PHACTR2: variants seen among roughly 807,000 people sequenced by gnomAD.
The protein encoded by PHACTR2 is chromosome 6 open reading frame 56.
PHACTR2 carries 30 observed loss-of-function variants against 76.0 expected under a neutral mutation model. The observed-to-expected ratio is 0.39, with a 90% CI of 0.30 to 0.54. PHACTR2 has a LOEUF of 0.54. Among genes scored for constraint, PHACTR2 ranks in the 20% least tolerant of loss-of-function variants. The pLI is 0.61. For synonymous variants in PHACTR2, 292 were observed against 292.5 expected (o/e 1.00, Z 0.02); for missense variants, 696 against 781.1 (o/e 0.89, Z 1.30).
At position 143,617,240 on chromosome 6, in the gene PHACTR2, C is replaced by T. The variant is rs1170340125; in HGVS notation, c.13+8918C>T. Among the ~76,000 whole-genome samples the T allele has an allele frequency of 2.6e-5, 4 of 152,160 alleles. No homozygotes were observed. On this transcript the variant is annotated intron_variant, in intron 1 of 11. Transcript: ENST00000305766. This position sits in a 1 kb window ranked among gnomAD's most constrained non-coding sequence, Gnocchi z 4.8. ...AACGTCTTCCCAACTGGTCTCCAAG[C>T]CCTGAATTTTCTCATGACGCTGATG...
chr6:143,667,781 A>G (rs1469524845), intron 1 of PHACTR2, among the ~76,000 whole-genome samples: 2 of 152,218 alleles, frequency 1.3e-5, no homozygotes, highest in African/African-American at 2.4e-5. Flanking sequence ...TTGGGCTGAG[A>G]CGATGGAGTT....
chr6:143,656,154 G>A lies in PHACTR2; in HGVS notation c.13+47832G>A, dbSNP rs1002450815. Among the ~76,000 whole-genome samples the A allele has an allele frequency of 2.6e-5, 4 of 152,210 alleles. No homozygotes were observed. The highest frequency in any genetic ancestry group is 5.9e-5 in the Non-Finnish European group (4 of 68,042). On this transcript the variant is annotated intron_variant, in intron 1 of 11. Coordinates refer to the PHACTR2 transcript ENST00000305766. This position sits in a 1 kb window ranked among gnomAD's most constrained non-coding sequence, Gnocchi z 5.3. ...AACTGCAGAGGAAATAACAGGCGCA[G>A]AGACTTCTAGCAGGGTTGTCTGGTG...
At position 143,772,195 on chromosome 6, in the gene PHACTR2, G is replaced by C. The variant is rs1775167437; in HGVS notation, c.1233-63G>C. On this transcript the variant is annotated intron_variant, in intron 6 of 12. Coordinates refer to ENST00000440869, the MANE Select transcript of PHACTR2 (RefSeq NM_001100164.2). The surrounding 1 kb of genome is among the most constrained non-coding windows in gnomAD (Gnocchi z 5.4). ...TGAAACTAGAGCTCTTTTTCTTAGT[G>C]TCAGTGCCGCCAAGGGTTGCTCTGA... The C allele has an allele frequency of 6.8e-6, 8 of 1,170,934 alleles. No individual in the cohort carries two copies. In the South Asian group the frequency reaches 7.4e-5, roughly 11 times the overall value. The allele number at this position is 1,170,934 out of a possible 1,614,324, so 72.5% of individuals were successfully genotyped here. A position where few individuals can be genotyped will look rare whatever the true frequency, so the allele number is the denominator to read the frequency against.
At chr6:143,582,979 T>G (rs1775592235) in intron 1 of PHACTR2, among the ~76,000 whole-genome samples, 1 of 152,224 alleles carries the variant, frequency 6.6e-6, no homozygotes, top group South Asian at 2.1e-4. Flanking sequence ...AGAATTTAAT[T>G]TCAAACTCTG....
chr6:143,712,367 A>G (rs2128461085), intron 2 of PHACTR2, 184 bp downstream of exon 2: 1 of 336,012 alleles, frequency 3.0e-6, no homozygotes, highest in Non-Finnish European at 5.3e-6. Flanking sequence ...CCTTCTTTCT[A>G]TACTGACCTT....
rs1289601926 is a variant in PHACTR2 at position 143,753,617 on chromosome 6, C to T, written c.296-137C>T. ...TTCTAGCTCTTTTGTTTTGAATAAA[C>T]CGGTGAAACAGTGCAGGGTGTATTT... On this transcript the variant is annotated intron_variant, in intron 3 of 12. Transcript: ENST00000440869. This position sits in a 1 kb window ranked among gnomAD's most constrained non-coding sequence, Gnocchi z 4.6. 3 of 572,208 alleles carry T rather than the reference C, an allele frequency of 5.2e-6. No homozygotes were observed. Among genetic ancestry groups the T allele is most frequent in the African/African-American group, 3.8e-5 (2 of 52,276 alleles). The allele number at this position is 572,208 out of a possible 1,614,324, so 35.4% of individuals were successfully genotyped here.
At chr6:143,606,095 A>G (rs1476656697), upstream of PHACTR2, among the ~76,000 whole-genome samples, 2 of 152,206 alleles carry the variant, frequency 1.3e-5, no homozygotes, top group Admixed American at 6.5e-5. Context: ...GCTACTTATT[A>G]TGAATCACTC....
intron 9 of PHACTR2, among the ~76,000 whole-genome samples, chr6:143,781,064 A>T (rs79925271): frequency 0.013 from 2,004 of 152,328 alleles, 44 homozygotes; most frequent in African/African-American, 0.044. Context: ...GGATCACTTG[A>T]GTCCTGGAGA....
chr6:143,555,999 A>T (rs1173988948), intron 1 of PHACTR2, among the ~76,000 whole-genome samples: 4 of 151,868 alleles, frequency 2.6e-5, no homozygotes, highest in African/African-American at 7.3e-5. Flanking sequence ...TAATTTTTTT[A>T]AAAAGAAACA....
rs1779521505 is a variant in PHACTR2 at position 143,764,932 on chromosome 6, A to G, written c.695-329A>G. 6.6e-6 allele frequency among the ~76,000 whole-genome samples: 1 copy of G among 152,102 alleles called. No individual in the cohort carries two copies. Among genetic ancestry groups the G allele is most frequent in the Admixed American group, 6.5e-5 (1 of 15,278 alleles). ...ACGCACCATAACATTCCTTCTTGAG[A>G]GCATACCGGGCTTTTTTCAAGTGAA... On this transcript the variant is annotated intron_variant, in intron 5 of 12. Coordinates refer to ENST00000440869, the MANE Select transcript of PHACTR2 (RefSeq NM_001100164.2). This position sits in a 1 kb window ranked among gnomAD's most constrained non-coding sequence, Gnocchi z 4.7.
rs1225396044 is a variant in PHACTR2 at position 143,618,281 on chromosome 6, A to ACG, written c.13+9960_13+9961insGC. Among the ~76,000 whole-genome samples, 3 of 146,822 alleles carry ACG rather than the reference A, an allele frequency of 2.0e-5. No homozygotes were observed. Among genetic ancestry groups the ACG allele is most frequent in the Non-Finnish European group, 4.6e-5 (3 of 65,362 alleles). ...AACACACACACACACACACACACAC[A>ACG]CACACGCACACTCCAGAATGAGTTT... On this transcript the variant is annotated intron_variant, in intron 1 of 11. Transcript: ENST00000305766. This position sits in a 1 kb window ranked among gnomAD's most constrained non-coding sequence, Gnocchi z 5.2.
chr6:143,774,204 C>G lies in PHACTR2; in HGVS notation c.1578C>G (p.Thr526=), dbSNP rs1344305591. ...AGGAAATCCGACAACAAATTGGAACCAAGTTAGTCAGGTAATTGCTAACAT... is the reference window on the plus strand; with the variant it reads ...AGGAAATCCGACAACAAATTGGAACGAAGTTAGTCAGGTAATTGCTAACAT... ...ERQEIRQQIG[T]KLVRRLSQRP... is the part of the protein sequence containing the mutation. The change falls in exon 8 of 13, where the codon ACC becomes ACG. Residue 526 remains threonine, a synonymous_variant. Coordinates refer to ENST00000440869, the MANE Select transcript of PHACTR2 (RefSeq NM_001100164.2). The surrounding 1 kb of genome is among the most constrained non-coding windows in gnomAD (Gnocchi z 5.4). 1.9e-6 allele frequency: 3 copies of G among 1,613,702 alleles called. No individual in the cohort carries two copies. Among genetic ancestry groups the G allele is most frequent in the African/African-American group, 1.3e-5 (1 of 75,020 alleles).
At chr6:143,759,879 G>A (rs1779395047) in intron 4 of PHACTR2, among the ~76,000 whole-genome samples, 1 of 152,146 alleles carries the variant, frequency 6.6e-6, no homozygotes, top group African/African-American at 2.4e-5. Context: ...TTTGATCACA[G>A]CGAGGCTGAA....
At chr6:143,808,758 A>G (rs1417432885) in intron 12 of PHACTR2, among the ~76,000 whole-genome samples, 1 of 152,040 alleles carries the variant, frequency 6.6e-6, no homozygotes, top group African/African-American at 2.4e-5. Context: ...ATACATGTAG[A>G]GCGTTCCAAC....
At chr6:143,727,840 C>G (rs1360424919) in intron 2 of PHACTR2, among the ~76,000 whole-genome samples, 1 of 152,002 alleles carries the variant, frequency 6.6e-6, no homozygotes, top group Non-Finnish European at 1.5e-5. Flanking sequence ...CTGTACATAC[C>G]TCAACATATT....
In PHACTR2 at chr6:143,783,365, A is replaced by G. The variant is rs914014852; in HGVS notation, c.1707+85A>G. ...ATACTAATCCTCTCTGTATGTGTAAATCAGATGTTTAGAAATAATTATTCC... is the reference window on the plus strand; with the variant it reads ...ATACTAATCCTCTCTGTATGTGTAAGTCAGATGTTTAGAAATAATTATTCC... On this transcript the variant is annotated intron_variant, in intron 10 of 12. Transcript: ENST00000440869. This position sits in a 1 kb window ranked among gnomAD's most constrained non-coding sequence, Gnocchi z 5.2. The G allele has an allele frequency of 5.3e-6, 4 of 747,910 alleles. No homozygotes were observed. The Admixed American group carries it at 9.7e-5, about 18-fold the overall frequency. 46.3% of individuals were successfully genotyped at this position (747,910 alleles called of 1,614,324 possible).
Position 143,678,795 on chromosome 6 carries a change from G to T in PHACTR2, c.46+586G>T, listed in dbSNP as rs1777316885. Among the ~76,000 whole-genome samples the T allele has an allele frequency of 6.6e-6, 1 of 152,182 alleles. No individual in the cohort carries two copies. The highest frequency in any genetic ancestry group is 1.5e-5 in the Non-Finnish European group (1 of 68,032). On this transcript the variant is annotated intron_variant, in intron 1 of 12. Transcript: ENST00000440869. The surrounding 1 kb of genome is among the most constrained non-coding windows in gnomAD (Gnocchi z 6.2). ...TAGGGAAACATATCTCATGAACTTA[G>T]TTCTCCAGGACTAAAGTTAGTTTTA...
rs1775189124 is a variant in PHACTR2, at chr6:143,772,928, A to G, written c.1432+471A>G. Among the ~76,000 whole-genome samples the G allele has an allele frequency of 6.6e-6, 1 of 152,226 alleles. No individual in the cohort carries two copies. Among genetic ancestry groups the G allele is most frequent in the East Asian group, 1.9e-4 (1 of 5,206 alleles). On this transcript the variant is annotated intron_variant, in intron 7 of 12. Coordinates refer to ENST00000440869, the MANE Select transcript of PHACTR2 (RefSeq NM_001100164.2). The surrounding 1 kb of genome is among the most constrained non-coding windows in gnomAD (Gnocchi z 5.4). ...ATGAGTCAAGAATGCCAAATACCTC[A>G]TTAGCATTAAGAGGCTGGGCACGGT...
Position 143,697,200 on chromosome 6 carries a change from G to A in PHACTR2, c.47-14816G>A, listed in dbSNP as rs540285954. 1.3e-5 allele frequency among the ~76,000 whole-genome samples: 2 copies of A among 152,202 alleles called. No individual in the cohort carries two copies. The highest frequency in any genetic ancestry group is 4.1e-4 in the South Asian group (2 of 4,822). On this transcript the variant is annotated intron_variant, in intron 1 of 12. Transcript: ENST00000440869. This position sits in a 1 kb window ranked among gnomAD's most constrained non-coding sequence, Gnocchi z 4.4. ...TGTTTTCTAAGAGATTCACATTCTC[G>A]TGTGTGATGCCTAAAGAGAATGGAA...
Sources: gnomAD v4.1 joint callset for allele counts (sites outside exome capture counted in the v4.1 genomes callset) on GRCh38, gnomAD v4.1.1 for gene constraint, Gnocchi (gnomAD v3.1) non-coding constraint, MANE v1.5 for transcripts, NCBI Gene and HGNC (gene_info 2026-07-23, HGNC 2026-07-21) for gene names.